The following SBNO1 variants were observed in gnomAD, a reference collection of about 807,000 sequenced individuals.
SBNO1 encodes the protein strawberry notch homolog 1.
In SBNO1, 23 loss-of-function variants were observed where a neutral mutation model predicts 173.6. That is an observed-to-expected ratio of 0.13 (90% CI 0.10 to 0.19). The LOEUF is 0.19. Ranked by LOEUF, SBNO1 falls within the 10% of genes least tolerant of loss-of-function variation. The probability of loss-of-function intolerance (pLI) is 1.00; values close to 1 mark genes in which losing one functional copy is unlikely to be tolerated. For synonymous variants in SBNO1, 632 were observed against 571.5 expected (o/e 1.11, Z -1.51); for missense variants, 1,238 against 1,671.2 (o/e 0.74, Z 4.52).
chr12:123,303,539 C>T (rs1256660093), intron 29 of SBNO1, among the ~76,000 whole-genome samples: 1 of 152,132 alleles, frequency 6.6e-6, no homozygotes, highest in African/African-American at 2.4e-5. Context: ...ATCCCAGCTA[C>T]TTGGGAAGCT....
intron 3 of SBNO1, among the ~76,000 whole-genome samples, chr12:123,346,643 G>C (rs907352426): frequency 6.6e-6 from 1 of 152,108 alleles, no homozygotes. Context: ...CAACCTGGGC[G>C]ACAGAGCGAG....
chr12:123,323,329 A>G (rs1271098553), intron 16 of SBNO1, among the ~76,000 whole-genome samples: 2 of 152,168 alleles, frequency 1.3e-5, no homozygotes, highest in African/African-American at 4.8e-5. Flanking sequence ...TAATTTCAAC[A>G]GTATTTTCAA....
At chr12:123,302,696 G>A in intron 30 of SBNO1, 128 bp downstream of exon 30, 2 of 707,234 alleles carry the variant, frequency 2.8e-6, no homozygotes, top group Non-Finnish European at 5.1e-6. Flanking sequence ...ATTCCTGATG[G>A]AACACACCAC....
At chr12:123,330,783 C>T (rs1219011787) in intron 8 of SBNO1, among the ~76,000 whole-genome samples, 1 of 151,764 alleles carries the variant, frequency 6.6e-6, no homozygotes, top group African/African-American at 2.4e-5. Flanking sequence ...AAAAAATTAG[C>T]CAAGCATGGT....
chr12:123,315,752 G>T, intron 21 of SBNO1, 92 bp from the exon 22 acceptor site: 1 of 718,568 alleles, frequency 1.4e-6, no homozygotes, highest in Non-Finnish European at 2.5e-6. Flanking sequence ...CACTAAACTG[G>T]TATTGGGAAA....
chr12:123,319,051 C>G (rs1306600952), intron 20 of SBNO1, among the ~76,000 whole-genome samples: 4 of 150,742 alleles, frequency 2.7e-5, no homozygotes, highest in Non-Finnish European at 5.9e-5. Flanking sequence ...GCAACCCCTG[C>G]CTCCCAGGTT....
intron 4 of SBNO1, among the ~76,000 whole-genome samples, chr12:123,343,394 G>A (rs1872765945): frequency 1.3e-5 from 2 of 152,100 alleles, no homozygotes; most frequent in South Asian, 4.1e-4. Context: ...ACCCAAAGGG[G>A]CAACAACCAC....
Position 123,292,320 on chromosome 12 carries a change from T to C in SBNO1, c.*3588A>G, listed in dbSNP as rs1315290851. 1 of 152,228 alleles carries C rather than the reference T, an allele frequency of 6.6e-6. No homozygotes were observed. The highest frequency in any genetic ancestry group is 6.5e-5 in the Admixed American group (1 of 15,288). The allele number at this position is 152,228 out of a possible 1,614,324, so 9.4% of individuals were successfully genotyped here. A position where few individuals can be genotyped will look rare whatever the true frequency, so the allele number is the denominator to read the frequency against. On this transcript the variant is annotated 3_prime_UTR_variant, in exon 32 of 32. Coordinates refer to ENST00000602398, the MANE Select transcript of SBNO1 (RefSeq NM_001167856.3). ...ACACAGGTACATGTGTATGGGGACC[T>C]TCCTCTTGACTGCTTGTCAAGAAAA...
chr12:123,344,911 C>T (rs894960659), intron 4 of SBNO1, among the ~76,000 whole-genome samples: 3 of 152,088 alleles, frequency 2.0e-5, no homozygotes, highest in Non-Finnish European at 2.9e-5. Flanking sequence ...TGCTTTCAAA[C>T]AAGATCCACA....
rs910114136 is a variant in SBNO1 at position 123,364,749 on chromosome 12, G to C, written c.-49C>G. 15 of 988,060 alleles carry C rather than the reference G, an allele frequency of 1.5e-5. No individual in the cohort carries two copies. The highest frequency in any genetic ancestry group is 6.1e-5 in the Admixed American group (1 of 16,274). The allele number at this position is 988,060 out of a possible 1,614,324, so 61.2% of individuals were successfully genotyped here. On this transcript the variant is annotated 5_prime_UTR_variant, in exon 1 of 32. Transcript: ENST00000602398. ...GCACAGCTCCTCCCGGGAGGTGTGA[G>C]TTTGAAGGACCAGAGGCGACTGGAG...
chr12:123,363,633 T>C (rs984351567), intron 1 of SBNO1, among the ~76,000 whole-genome samples: 1 of 152,182 alleles, frequency 6.6e-6, no homozygotes, highest in African/African-American at 2.4e-5. Flanking sequence ...GCACTTACAA[T>C]TGGCTGCGCA....
chr12:123,302,346 G>A lies in SBNO1; in HGVS notation c.3845+478C>T, dbSNP rs368249585. Among the ~76,000 whole-genome samples, 4 of 151,386 alleles carry A rather than the reference G, an allele frequency of 2.6e-5. No individual in the cohort carries two copies. In the East Asian group the frequency reaches 5.8e-4, roughly 22 times the overall value. ...CAACTTCCACCTTCCGGGTTCAAGC[G>A]ATTCTCCTGCCTCAGCCTCCCAAGT... On this transcript the variant is annotated intron_variant, in intron 30 of 31. Transcript: ENST00000602398.
rs1396907976 is a variant in SBNO1, at chr12:123,315,442, C to T, written c.3051G>A (p.Gly1017=). 3.7e-6 allele frequency: 6 copies of T among 1,612,780 alleles called. No homozygotes were observed. The East Asian group carries it at 1.3e-4, about 36-fold the overall frequency. Residue 1017 remains glycine (G), a splice_region_variant and synonymous_variant, in exon 23 of 32, where the codon GGG becomes GGA. Transcript: ENST00000602398. The stretch of plus-strand genomic sequence containing the variant: ...CCCTTCTATCACCATGTGTAAGTGC[C>T]CCCTGTTAAAAACAAAAATTTCAAT... ...SIVAKRLESL[G]ALTHGDRRAT... is the part of the protein sequence containing the mutation.
At chr12:123,352,405 G>A (rs866739190) in intron 1 of SBNO1, among the ~76,000 whole-genome samples, 41 of 151,180 alleles carry the variant, frequency 2.7e-4, no homozygotes, top group African/African-American at 5.1e-4. Context: ...ACTGCCTCCC[G>A]GGCTGATGCT....
chr12:123,290,287 A>C lies in SBNO1; in HGVS notation c.*5621T>G, dbSNP rs1176508150. On this transcript the variant is annotated 3_prime_UTR_variant, in exon 32 of 32. Transcript: ENST00000602398. ...AAATTTAGTTCCCAAGACTGATCCA[A>C]ATACAGAATGCTTTTACATTTTTCA... 1 of 152,194 alleles carries C rather than the reference A, an allele frequency of 6.6e-6. No homozygotes were observed. Among genetic ancestry groups the C allele is most frequent in the Non-Finnish European group, 1.5e-5 (1 of 68,044 alleles). The allele number at this position is 152,194 out of a possible 1,614,324, so 9.4% of individuals were successfully genotyped here.
intron 16 of SBNO1, 142 bp downstream of exon 16, chr12:123,323,538 T>G (rs1870254679): frequency 4.5e-6 from 2 of 440,066 alleles, no homozygotes; most frequent in African/African-American, 4.2e-5. Context: ...GTATTTTCAG[T>G]AGAGATGGGG....
chr12:123,296,505 T>A (rs1441506992), intron 31 of SBNO1, among the ~76,000 whole-genome samples: 4 of 151,884 alleles, frequency 2.6e-5, no homozygotes, highest in African/African-American at 7.2e-5. Context: ...GTCCTGCATG[T>A]AGGATTGAAG....
intron 15 of SBNO1, among the ~76,000 whole-genome samples, chr12:123,324,857 G>C (rs1870430728): frequency 6.6e-6 from 1 of 151,874 alleles, no homozygotes; most frequent in Admixed American, 6.6e-5. Context: ...AGAGGGGAGT[G>C]GAGTGGAGTG....
chr12:123,355,184 C>G (rs1215957274), intron 1 of SBNO1, among the ~76,000 whole-genome samples: 1 of 152,032 alleles, frequency 6.6e-6, no homozygotes, highest in African/African-American at 2.4e-5. Context: ...CCACACCCAG[C>G]TAATTTTTGT....
Sources: gnomAD v4.1 joint callset for allele counts (sites outside exome capture counted in the v4.1 genomes callset) on GRCh38, gnomAD v4.1.1 for gene constraint, MANE v1.5 for transcripts, NCBI Gene and HGNC (gene_info 2026-07-23, HGNC 2026-07-21) for gene names.